The following AGPS variants were observed in gnomAD, a reference collection of about 807,000 sequenced individuals.
The protein encoded by AGPS is alkyldihydroxyacetonephosphate synthase, peroxisomal.
A neutral mutation model predicts 90.7 loss-of-function variants in AGPS; 26 were observed. The ratio of observed to expected loss-of-function variants is 0.29; its 90% CI spans 0.21 to 0.40. AGPS has a LOEUF of 0.40. AGPS is among the 10% of genes least tolerant of loss of function. The pLI, the probability that AGPS is intolerant of heterozygous loss-of-function variation, is 1.00. For synonymous variants in AGPS, 294 were observed against 285.3 expected, an observed-to-expected ratio of 1.03 and a Z score of -0.31; for missense variants, 540 against 816.1, an observed-to-expected ratio of 0.66 and a Z score of 4.12.
At chr2:177,418,866 A>G (rs1320658069) in intron 1 of AGPS, among the ~76,000 whole-genome samples, 1 of 151,972 alleles carries the variant, frequency 6.6e-6, no homozygotes, top group African/African-American at 2.4e-5. Context: ...ATGTTTCTCC[A>G]TAGAGATTTT....
chr2:177,522,381 T>G, intron 18 of AGPS, among the ~76,000 whole-genome samples: 1 of 152,190 alleles, frequency 6.6e-6, no homozygotes, highest in Non-Finnish European at 1.5e-5. Context: ...TAATTTAAAG[T>G]AATTTGTTAG....
At chr2:177,437,790 A>G (rs1373512952) in intron 5 of AGPS, among the ~76,000 whole-genome samples, 11 of 152,184 alleles carry the variant, frequency 7.2e-5, no homozygotes, top group Non-Finnish European at 1.5e-5. Context: ...TCATTCACGG[A>G]CTCTCAGTTC....
At chr2:177,439,811 T>C (rs778119314) in intron 5 of AGPS, among the ~76,000 whole-genome samples, 14 of 152,182 alleles carry the variant, frequency 9.2e-5, no homozygotes, top group Non-Finnish European at 1.8e-4. Flanking sequence ...ATCAGGAGAT[T>C]GACTTTTCTA....
At chr2:177,453,332 C>CT (rs1687008405) in intron 8 of AGPS, among the ~76,000 whole-genome samples, 1 of 150,804 alleles carries the variant, frequency 6.6e-6, no homozygotes, top group Non-Finnish European at 1.5e-5. Context: ...AGTGCAGTGG[C>CT]CTGATATCGG....
chr2:177,530,130 T>C (rs1368754873), intron 19 of AGPS, among the ~76,000 whole-genome samples: 5 of 152,226 alleles, frequency 3.3e-5, no homozygotes, highest in Admixed American at 1.3e-4. Context: ...GAAAGATCCA[T>C]ACATTCAAGG....
At position 177,499,543 on chromosome 2, in the gene AGPS, G is replaced by A. The variant is rs563348358; in HGVS notation, c.1363-75G>A. ...ATTTGAGCCCAGATCAGAAGGAAAA[G>A]AGCAAAATGTATTTTGATTTATTGT... On this transcript the variant is annotated intron_variant, in intron 13 of 19. Coordinates refer to ENST00000264167, the MANE Select transcript of AGPS (RefSeq NM_003659.4). 4.8e-6 allele frequency: 5 copies of A among 1,034,268 alleles called. No homozygotes were observed. In the Admixed American group the frequency reaches 9.4e-5, roughly 20 times the overall value. The allele number at this position is 1,034,268 out of a possible 1,614,324, so 64.1% of individuals were successfully genotyped here. A position where few individuals can be genotyped will look rare whatever the true frequency, so the allele number is the denominator to read the frequency against.
intron 19 of AGPS, among the ~76,000 whole-genome samples, chr2:177,533,802 C>A (rs1184827048): frequency 1.3e-5 from 2 of 152,126 alleles, no homozygotes; most frequent in African/African-American, 4.8e-5. Flanking sequence ...AATACAAAGT[C>A]AATGCTCAGA....
At chr2:177,500,763 G>T (rs1305017974) in intron 14 of AGPS, among the ~76,000 whole-genome samples, 1 of 152,008 alleles carries the variant, frequency 6.6e-6, no homozygotes, top group Non-Finnish European at 1.5e-5. Flanking sequence ...AAAAGAGAAA[G>T]TTTATTCATC....
intron 7 of AGPS, among the ~76,000 whole-genome samples, chr2:177,445,128 G>A (rs1686728969): frequency 6.6e-6 from 1 of 152,194 alleles, no homozygotes; most frequent in South Asian, 2.1e-4. Context: ...AGTGCAGATA[G>A]TATTTGCACA....
Position 177,493,209 on chromosome 2 carries a change from G to A in AGPS, c.1285+10G>A. The A allele has an allele frequency of 6.2e-7, 1 of 1,606,572 alleles. No individual in the cohort carries two copies. The highest frequency in any genetic ancestry group is 8.5e-7 in the Non-Finnish European group (1 of 1,173,356). On this transcript the variant is annotated intron_variant, in intron 12 of 19. Transcript: ENST00000264167. ...AAGCAGTTTCAGTTTGGTAAGTAAG[G>A]AGTGGTAATTTTAAAATGTCATTTA...
intron 5 of AGPS, among the ~76,000 whole-genome samples, chr2:177,437,571 T>C (rs146656384): frequency 9.2e-5 from 14 of 152,290 alleles, no homozygotes; most frequent in African/African-American, 3.1e-4. Flanking sequence ...CTTTCTGTTG[T>C]AATTTTGCTC....
chr2:177,417,794 T>C (rs1685828546), intron 1 of AGPS, among the ~76,000 whole-genome samples: 1 of 152,236 alleles, frequency 6.6e-6, no homozygotes, highest in Non-Finnish European at 1.5e-5. Flanking sequence ...TATGCTGTAA[T>C]ACCGTTCAAA....
Position 177,474,102 on chromosome 2 carries a change from A to T in AGPS, c.1105+5578A>T, listed in dbSNP as rs143759359. On this transcript the variant is annotated intron_variant, in intron 10 of 19. Coordinates refer to ENST00000264167, the MANE Select transcript of AGPS (RefSeq NM_003659.4). The stretch of plus-strand genomic sequence containing the variant: ...TATACATTTAAGAATAAACTTTTTG[A>T]ATAAGTAATAACTTGTACATTTATA... Among the ~76,000 whole-genome samples the T allele has an allele frequency of 2.6e-3, 390 of 152,328 alleles. 4 individuals are homozygous for T. Among genetic ancestry groups the T allele is most frequent in the African/African-American group, 9.0e-3 (373 of 41,586 alleles).
chr2:177,453,353 C>T (rs2105653980), intron 8 of AGPS, among the ~76,000 whole-genome samples: 1 of 151,740 alleles, frequency 6.6e-6, no homozygotes, highest in South Asian at 2.1e-4. Context: ...CTCACCACAA[C>T]CTCCGTCTCC....
At position 177,503,510 on chromosome 2, in the gene AGPS, A is replaced by T. The variant is rs180893044; in HGVS notation, c.1476-1996A>T. Among the ~76,000 whole-genome samples the T allele has an allele frequency of 1.8e-3, 268 of 152,286 alleles. 1 individual carries two copies. Among genetic ancestry groups the T allele is most frequent in the African/African-American group, 5.8e-3 (242 of 41,558 alleles). ...TCATGAGACAGCTTTAAATTTGTTTAAAAACCTTGAATTGATGTTTGAAAT... is the reference window on the plus strand; with the variant it reads ...TCATGAGACAGCTTTAAATTTGTTTTAAAACCTTGAATTGATGTTTGAAAT... On this transcript the variant is annotated intron_variant, in intron 14 of 19. Transcript: ENST00000264167.
chr2:177,427,695 G>A (rs1288684715), intron 2 of AGPS, among the ~76,000 whole-genome samples: 1 of 152,176 alleles, frequency 6.6e-6, no homozygotes, highest in East Asian at 1.9e-4. Flanking sequence ...TGTGGTCTGA[G>A]AGACTGTTAT....
intron 2 of AGPS, among the ~76,000 whole-genome samples, chr2:177,428,497 C>G (rs1209126627): frequency 6.6e-6 from 1 of 152,170 alleles, no homozygotes; most frequent in East Asian, 1.9e-4. Context: ...TCTTCAGGAG[C>G]TCTTGCAAGG....
chr2:177,400,883 A>G (rs1174726072), intron 1 of AGPS, among the ~76,000 whole-genome samples: 1 of 152,180 alleles, frequency 6.6e-6, no homozygotes, highest in Non-Finnish European at 1.5e-5. Flanking sequence ...TTGATTACCT[A>G]GTTGGGTTTT....
intron 9 of AGPS, among the ~76,000 whole-genome samples, chr2:177,463,562 A>G (rs1012706626): frequency 3.3e-5 from 5 of 152,206 alleles, no homozygotes; most frequent in Admixed American, 1.3e-4. Flanking sequence ...TAAATCTTTA[A>G]TAAAATATAT....
Sources: gnomAD v4.1 joint callset for allele counts (sites outside exome capture counted in the v4.1 genomes callset) on GRCh38, gnomAD v4.1.1 for gene constraint, MANE v1.5 for transcripts, NCBI Gene and HGNC (gene_info 2026-07-23, HGNC 2026-07-21) for gene names.